Variants in BTNL8 observed in about 807,000 individuals in gnomAD.
BTNL8 encodes the protein butyrophilin like 8, also known as butyrophilin-like protein 8.
Under a neutral mutation model 36.1 loss-of-function variants are expected in BTNL8, and 22 were observed. That is an observed-to-expected ratio of 0.61 (90% CI 0.44 to 0.87). The LOEUF (loss-of-function observed/expected upper bound fraction) is 0.87, where lower values mean the gene tolerates loss of function less well. Among genes scored for constraint, BTNL8 ranks in the 40% least tolerant of loss-of-function variants. The pLI is 0.00. For synonymous variants in BTNL8, 203 were observed against 235.6 expected (o/e 0.86, Z 1.27); for missense variants, 526 against 616.9 (o/e 0.85, Z 1.56).
chr5:180,938,735 G>T lies in BTNL8; in HGVS notation c.674-8777G>T, dbSNP rs544417101. Reference sequence around the variant, plus strand: ...GTATTTTTAGTAGAGACGGGGTTTCGCCATGTTGGTCAGGATGGTAACAGC... The same window carrying T: ...GTATTTTTAGTAGAGACGGGGTTTCTCCATGTTGGTCAGGATGGTAACAGC... On this transcript the variant is annotated intron_variant, in intron 3 of 7. Transcript: ENST00000340184. Among the ~76,000 whole-genome samples, 22 of 151,688 alleles carry T rather than the reference G, an allele frequency of 1.5e-4. No homozygotes were observed. The East Asian group carries it at 3.7e-3, about 25-fold the overall frequency.
Position 180,907,874 on chromosome 5 carries a change from G to T in BTNL8, c.50-712G>T, listed in dbSNP as rs979496846. ...ACTCACTTGAGGAGGCAGTCTGCCA[G>T]TTCTCAGATCTCCAGCTGCGTGCTG... On this transcript the variant is annotated intron_variant, in intron 1 of 7. Coordinates refer to ENST00000340184, the MANE Select transcript of BTNL8 (RefSeq NM_001040462.3). Among the ~76,000 whole-genome samples the T allele has an allele frequency of 6.6e-5, 10 of 151,416 alleles. No homozygotes were observed. The South Asian group carries it at 1.0e-3, about 16-fold the overall frequency.
intron 2 of BTNL8, chr5:180,909,714 A>T: frequency 4.2e-6 from 1 of 239,656 alleles, no homozygotes. Flanking sequence ...CCTCATCTCT[A>T]TTAAAAAAAA....
intron 2 of BTNL8, 88 bp from the exon 3 acceptor site, chr5:180,911,251 G>T (rs1041670938): frequency 1.0e-5 from 16 of 1,536,334 alleles, no homozygotes; most frequent in African/African-American, 6.8e-5. Flanking sequence ...GAGAATGGGT[G>T]GGGGGTGGAC....
intron 2 of BTNL8, among the ~76,000 whole-genome samples, chr5:180,910,260 A>G (rs1313708568): frequency 6.6e-6 from 1 of 151,822 alleles, no homozygotes; most frequent in African/African-American, 2.4e-5. Flanking sequence ...AAAAAAAAAA[A>G]GAGGAAATAA....
chr5:180,908,022 C>T (rs1455791071), intron 1 of BTNL8, among the ~76,000 whole-genome samples: 3 of 152,242 alleles, frequency 2.0e-5, no homozygotes, highest in African/African-American at 4.8e-5. Context: ...GCAGGCAGGC[C>T]TCCTTGAGCT....
chr5:180,940,828 G>A (rs916273072), intron 3 of BTNL8, among the ~76,000 whole-genome samples: 7 of 152,146 alleles, frequency 4.6e-5, no homozygotes, highest in African/African-American at 1.7e-4. Flanking sequence ...CACTTTGGGA[G>A]GCCAAGGCAG....
Position 180,948,383 on chromosome 5 carries a change from T to TGTGTC in BTNL8, c.808+9_808+13dup, listed in dbSNP as rs1759379360. The TGTGTC allele has an allele frequency of 6.8e-7, 1 of 1,480,158 alleles. No individual in the cohort carries two copies. Among genetic ancestry groups the TGTGTC allele is most frequent in the South Asian group, 1.1e-5 (1 of 89,922 alleles). 91.7% of individuals were successfully genotyped at this position (1,480,158 alleles called of 1,614,324 possible). ...AAATCCAGGCGGAACTGGGTAAGTA[T>TGTGTC]GTGTCATGTCCTGAGCCTCCCACAC... On this transcript the variant is annotated intron_variant, in intron 5 of 7. Coordinates refer to ENST00000340184, the MANE Select transcript of BTNL8 (RefSeq NM_001040462.3).
intron 3 of BTNL8, among the ~76,000 whole-genome samples, chr5:180,922,146 T>C (rs1757895849): frequency 6.6e-6 from 1 of 152,054 alleles, no homozygotes; most frequent in African/African-American, 2.4e-5. Flanking sequence ...AAAATCCAAC[T>C]CTGGATTCAT....
chr5:180,933,112 A>G (rs1758482921), intron 3 of BTNL8, among the ~76,000 whole-genome samples: 1 of 152,192 alleles, frequency 6.6e-6, no homozygotes, highest in African/African-American at 2.4e-5. Context: ...AGAGGGTTCA[A>G]TTTACCAAGA....
chr5:180,921,043 G>A (rs1757840334), intron 3 of BTNL8, among the ~76,000 whole-genome samples: 1 of 152,006 alleles, frequency 6.6e-6, no homozygotes, highest in Non-Finnish European at 1.5e-5. Context: ...ATGCTACATA[G>A]TCTTATATGT....
intron 2 of BTNL8, chr5:180,909,809 C>T (rs76464379): frequency 1.3e-5 from 2 of 156,848 alleles, no homozygotes; most frequent in African/African-American, 4.8e-5. Flanking sequence ...TGTGAATAAT[C>T]TGTGTCCTGA....
rs558935517 is a variant in BTNL8 at position 180,932,276 on chromosome 5, G to A, written c.674-15236G>A. Among the ~76,000 whole-genome samples the A allele has an allele frequency of 1.6e-4, 25 of 152,228 alleles. No individual in the cohort carries two copies. In the South Asian group the frequency reaches 3.5e-3, roughly 21 times the overall value. On this transcript the variant is annotated intron_variant, in intron 3 of 7. Transcript: ENST00000340184. Reference sequence around the variant, plus strand: ...ATGTAGATGATGAGTTGATGGGTGCGGCAAACCAGCATGGCACATGTATAC... The same window carrying A: ...ATGTAGATGATGAGTTGATGGGTGCAGCAAACCAGCATGGCACATGTATAC...
At chr5:180,922,128 T>A (rs149972674) in intron 3 of BTNL8, among the ~76,000 whole-genome samples, 5,928 of 152,056 alleles carry the variant, frequency 0.039, 397 homozygotes, top group African/African-American at 0.14. Flanking sequence ...ATTTTATTAA[T>A]TTTTTTCAAA....
rs747734600 is a variant in BTNL8, at chr5:180,908,597, G to C, written c.61G>C (p.Val21Leu). Reference sequence around the variant, plus strand: ...ATGTCTTCCCACAGGGCAGTGGCAGGTGTTTGGGCCAGACAAGCCTGTCCA... The same window carrying C: ...ATGTCTTCCCACAGGGCAGTGGCAGCTGTTTGGGCCAGACAAGCCTGTCCA... ...LLKLGSGQWQ[V>L]FGPDKPVQAL... Residue 21 changes from valine to leucine, a missense_variant, in exon 2 of 8, where the codon GTG (valine) becomes CTG (leucine). By Grantham distance (32) the Val-to-Leu change is conservative. Transcript: ENST00000340184. The C allele has an allele frequency of 6.2e-7, 1 of 1,613,788 alleles. No homozygotes were observed. Among genetic ancestry groups the C allele is most frequent in the South Asian group, 1.1e-5 (1 of 91,076 alleles).
At chr5:180,911,253 G>T (rs993846730) in intron 2 of BTNL8, 86 bp from the exon 3 acceptor site, 15 of 1,548,882 alleles carry the variant, frequency 9.7e-6, no homozygotes, top group Non-Finnish European at 1.3e-5. Flanking sequence ...GAATGGGTGG[G>T]GGGTGGACTG....
At chr5:180,925,361 A>G (rs1758048478) in intron 3 of BTNL8, among the ~76,000 whole-genome samples, 1 of 152,254 alleles carries the variant, frequency 6.6e-6, no homozygotes, top group Non-Finnish European at 1.5e-5. Context: ...TCATATTCCA[A>G]TTATCAAAAA....
At chr5:180,901,482 G>C (rs1408102704) in intron 1 of BTNL8, among the ~76,000 whole-genome samples, 3 of 152,166 alleles carry the variant, frequency 2.0e-5, no homozygotes, top group African/African-American at 4.8e-5. Flanking sequence ...TTACTCAAAT[G>C]ATTGTTAAAC....
At chr5:180,945,944 G>T in intron 3 of BTNL8, 2 of 189,420 alleles carry the variant, frequency 1.1e-5, no homozygotes, top group East Asian at 2.7e-4. Context: ...AGGCATCTAC[G>T]CAATGAAAAA....
Position 180,911,509 on chromosome 5 carries a change from G to A in BTNL8, c.568G>A (p.Asp190Asn). ...AAACAGAGACATGCATGGCCTGTTT[G>A]ATGTGGAGATCTCTCTGACCGTCCA... ...RTNRDMHGLF[D>N]VEISLTVQEN... The change falls in exon 3 of 8, where the codon GAT becomes AAT. Residue 190 changes from aspartate to asparagine, a missense_variant. Physicochemically the swap from Asp to Asn is conservative, Grantham distance 23. Coordinates refer to ENST00000340184, the MANE Select transcript of BTNL8 (RefSeq NM_001040462.3). The A allele has an allele frequency of 6.2e-7, 1 of 1,614,204 alleles. No individual in the cohort carries two copies. Among genetic ancestry groups the A allele is most frequent in the Non-Finnish European group, 8.5e-7 (1 of 1,180,042 alleles).
Sources: allele counts gnomAD v4.1 joint callset (sites outside exome capture counted in the v4.1 genomes callset), GRCh38; gene constraint gnomAD v4.1.1; transcripts MANE v1.5; gene names NCBI Gene and HGNC (gene_info 2026-07-23, HGNC 2026-07-21).